Variants in SCAPER observed in about 807,000 individuals in gnomAD.
SCAPER encodes the protein S-phase cyclin A associated protein in the ER.
In SCAPER, 98 loss-of-function variants were observed where a neutral mutation model predicts 182.2. The observed-to-expected ratio is 0.54, with a 90% CI of 0.46 to 0.64. The LOEUF (loss-of-function observed/expected upper bound fraction) is 0.64, where lower values mean the gene tolerates loss of function less well. Ranked by LOEUF, SCAPER falls within the 30% of genes least tolerant of loss-of-function variation. The pLI, the probability that SCAPER is intolerant of heterozygous loss-of-function variation, is 0.00. For missense variants in SCAPER, 1,432 were observed against 1,690.0 expected, an observed-to-expected ratio of 0.85 and a Z score of 2.68; for synonymous variants, 605 against 564.6, an observed-to-expected ratio of 1.07 and a Z score of -1.01.
intron 5 of SCAPER, among the ~76,000 whole-genome samples, chr15:76,824,595 TC>T (rs1334129104): frequency 1.3e-5 from 2 of 152,354 alleles, no homozygotes; most frequent in East Asian, 3.9e-4. Flanking sequence ...GAACATCTTA[TC>T]TAGTTTTTTG....
chr15:76,440,907 GTTTTTTTTTTGTTTTTTTTT>G (rs894993925), intron 25 of SCAPER, among the ~76,000 whole-genome samples: 3 of 82,818 alleles, frequency 3.6e-5, no homozygotes, highest in African/African-American at 1.3e-4. Context: ...TCCCCTTCTG[GTTTTTTTTTTGTTTTTTTTT>G]TTTTTTTTTT....
At chr15:76,556,718 T>C (rs2046224041) in intron 23 of SCAPER, among the ~76,000 whole-genome samples, 1 of 151,912 alleles carries the variant, frequency 6.6e-6, no homozygotes, top group South Asian at 2.1e-4. Context: ...AGTTCTGAAA[T>C]TGAATCAGTA....
At chr15:76,684,796 G>A (rs376465348) in intron 20 of SCAPER, among the ~76,000 whole-genome samples, 5 of 151,670 alleles carry the variant, frequency 3.3e-5, no homozygotes, top group African/African-American at 1.2e-4. Flanking sequence ...ACCAAGAAAG[G>A]ACCAGGACCA....
At chr15:76,904,413 G>T (rs1455580844) in intron 1 of SCAPER, among the ~76,000 whole-genome samples, 1 of 152,166 alleles carries the variant, frequency 6.6e-6, no homozygotes, top group African/African-American at 2.4e-5. Flanking sequence ...GACTATTAAT[G>T]AATAGCTATT....
At position 76,519,874 on chromosome 15, in the gene SCAPER, C is replaced by T. The variant is rs138665137; in HGVS notation, c.2839-14900G>A. ...TAGTTCCTACTCTAGAGAGCTCTTC[C>T]TTTTTCTAGGCTTCACATTTCATTT... On this transcript the variant is annotated intron_variant, in intron 23 of 31. Coordinates refer to ENST00000563290, the MANE Select transcript of SCAPER (RefSeq NM_020843.4). Among the ~76,000 whole-genome samples the T allele has an allele frequency of 3.2e-3, 481 of 152,228 alleles. 5 individuals carry two copies. The highest frequency in any genetic ancestry group is 0.011 in the African/African-American group (459 of 41,524).
rs1452466382 is a variant in SCAPER at position 76,434,238 on chromosome 15, T to C, written c.3151A>G (p.Thr1051Ala). The C allele has an allele frequency of 1.9e-6, 3 of 1,613,814 alleles. No homozygotes were observed. The highest frequency in any genetic ancestry group is 1.7e-5 in the Admixed American group (1 of 59,984). Residue 1051 changes from threonine to alanine, a missense_variant, in exon 26 of 32, where the codon ACT becomes GCT. Thr to Ala is a moderately conservative substitution (Grantham distance 58). Around this residue, in one of 5 missense-constraint regions of SCAPER, gnomAD observed 718 missense variants for 799.7 expected, o/e 0.90. Coordinates refer to ENST00000563290, the MANE Select transcript of SCAPER (RefSeq NM_020843.4). ...TNKQVFEGLT[T>A]GLLKVSAVVL... ...ACAGCACTGACTTTGAGAAGTCCAG[T>C]TGTCAAGCCTTCAAAAACTTGTTTA...
chr15:76,381,765 C>A lies in SCAPER; in HGVS notation c.3468-150G>T, dbSNP rs1269622899. The A allele has an allele frequency of 1.4e-5, 9 of 661,716 alleles. No homozygotes were observed. The African/African-American group carries it at 1.6e-4, about 12-fold the overall frequency. The allele number at this position is 661,716 out of a possible 1,614,324, so 41.0% of individuals were successfully genotyped here. A position where few individuals can be genotyped will look rare whatever the true frequency, so the allele number is the denominator to read the frequency against. On this transcript the variant is annotated intron_variant, in intron 27 of 31. Transcript: ENST00000563290. Reference sequence around the variant, plus strand: ...AACAAGAAACTTCAAGGAATAAATGCAGCCCTCCCCACCAACTGCACTGTG... The same window carrying A: ...AACAAGAAACTTCAAGGAATAAATGAAGCCCTCCCCACCAACTGCACTGTG...
chr15:76,718,255 C>A (rs2059996484), intron 17 of SCAPER, among the ~76,000 whole-genome samples: 1 of 152,062 alleles, frequency 6.6e-6, no homozygotes. Context: ...ACAGCAAAAT[C>A]TATGGGTTGC....
rs895103339 is a variant in SCAPER, at chr15:76,658,725, T to C, written c.2645+6928A>G. Reference sequence around the variant, plus strand: ...TGGTACTGGTATAAAAACAGAAACATAGATGAATGGAACAGTAAAGAGAGT... The same window carrying C: ...TGGTACTGGTATAAAAACAGAAACACAGATGAATGGAACAGTAAAGAGAGT... On this transcript the variant is annotated intron_variant, in intron 21 of 31. Transcript: ENST00000563290. 2.4e-4 allele frequency among the ~76,000 whole-genome samples: 37 copies of C among 151,982 alleles called. 1 individual carries two copies. Among genetic ancestry groups the C allele is most frequent in the African/African-American group, 7.2e-4 (30 of 41,380 alleles).
intron 26 of SCAPER, among the ~76,000 whole-genome samples, chr15:76,426,539 G>A (rs1003514272): frequency 6.6e-6 from 1 of 152,084 alleles, no homozygotes; most frequent in African/African-American, 2.4e-5. Flanking sequence ...GGAACTGCCC[G>A]AGAATTTTTT....
intron 4 of SCAPER, 103 bp downstream of exon 4, chr15:76,857,702 TTAGA>T (rs1394786870): frequency 1.5e-5 from 11 of 741,522 alleles, no homozygotes; most frequent in South Asian, 6.9e-5. Context: ...AAATTTTTAT[TTAGA>T]TAAATAATAT....
chr15:76,685,341 T>TTGAGTTATAAACAAA (rs1403698523), intron 20 of SCAPER, among the ~76,000 whole-genome samples: 3 of 151,950 alleles, frequency 2.0e-5, no homozygotes, highest in Non-Finnish European at 4.4e-5. Flanking sequence ...AAAAGTAAAT[T>TTGAGTTATAAACAAA]TGAGTTATAA....
chr15:76,721,534 G>C (rs558368176), intron 17 of SCAPER, among the ~76,000 whole-genome samples: 1 of 151,814 alleles, frequency 6.6e-6, no homozygotes, highest in Non-Finnish European at 1.5e-5. Flanking sequence ...CCATTTTCAC[G>C]ATATTGATTC....
intron 21 of SCAPER, among the ~76,000 whole-genome samples, chr15:76,625,460 C>T (rs1445140678): frequency 6.6e-6 from 1 of 152,144 alleles, no homozygotes; most frequent in Admixed American, 6.5e-5. Flanking sequence ...CCGCTAGGGG[C>T]AGTAGGGTCT....
At chr15:76,804,660 T>C in intron 5 of SCAPER, 27 bp from the exon 6 acceptor site, 3 of 1,454,942 alleles carry the variant, frequency 2.1e-6, no homozygotes, top group Non-Finnish European at 2.8e-6. Flanking sequence ...AAAAAAAAAT[T>C]AAATTCCAGT....
rs549792215 is a variant in SCAPER at position 76,540,228 on chromosome 15, C to T, written c.2838+33930G>A. Among the ~76,000 whole-genome samples the T allele has an allele frequency of 2.6e-5, 4 of 152,222 alleles. No individual in the cohort carries two copies. The East Asian group carries it at 7.7e-4, about 29-fold the overall frequency. On this transcript the variant is annotated intron_variant, in intron 23 of 31. Transcript: ENST00000563290. ...CCAGCCTGGGCAACATAGCAAGACC[C>T]TGTCTCTACAAAAAAATAAAAATAT...
intron 23 of SCAPER, among the ~76,000 whole-genome samples, chr15:76,556,761 A>T (rs913545539): frequency 7.9e-5 from 12 of 152,178 alleles, no homozygotes; most frequent in Admixed American, 7.2e-4. Context: ...AAGCCACAGC[A>T]ATCAGGCATG....
chr15:76,825,234 A>C lies in SCAPER; in HGVS notation c.393+16500T>G, dbSNP rs559020275. 3.9e-5 allele frequency among the ~76,000 whole-genome samples: 6 copies of C among 152,246 alleles called. No individual in the cohort carries two copies. The South Asian group carries it at 1.2e-3, about 32-fold the overall frequency. ...TCCAACCTCTTCATTTATGAACACA[A>C]AGGTTGAATACAATTTGGTGATTTT... On this transcript the variant is annotated intron_variant, in intron 5 of 31. Transcript: ENST00000563290.
chr15:76,547,593 T>C, intron 23 of SCAPER, among the ~76,000 whole-genome samples: 1 of 152,146 alleles, frequency 6.6e-6, no homozygotes, highest in East Asian at 1.9e-4. Context: ...TTCTTCTAAA[T>C]GTTAAAAGTT....
Sources: allele counts gnomAD v4.1 joint callset (sites outside exome capture counted in the v4.1 genomes callset), GRCh38; gene constraint gnomAD v4.1.1; regional missense constraint gnomAD v4.1.1; transcripts MANE v1.5; gene names NCBI Gene and HGNC (gene_info 2026-07-23, HGNC 2026-07-21).